BCAS3: variants seen among roughly 807,000 people sequenced by gnomAD.
BCAS3 encodes the protein BCAS4/BCAS3 fusion.
A neutral mutation model predicts 116.1 loss-of-function variants in BCAS3; 53 were observed. The ratio of observed to expected loss-of-function variants is 0.46; its 90% confidence interval spans 0.37 to 0.57. The LOEUF is 0.57. BCAS3 is among the 20% of genes least tolerant of loss of function. The pLI, the probability that BCAS3 is intolerant of heterozygous loss-of-function variation, is 0.00. For synonymous variants in BCAS3, 391 were observed against 408.2 expected, an observed-to-expected ratio of 0.96 and a Z score of 0.51; for missense variants, 917 against 1,165.4, an observed-to-expected ratio of 0.79 and a Z score of 3.10.
chr17:60,902,188 T>C (rs1283507921), intron 10 of BCAS3, among the ~76,000 whole-genome samples: 1 of 152,256 alleles, frequency 6.6e-6, no homozygotes. Flanking sequence ...ATCTTTTGTC[T>C]ACTTTTTATG....
rs796244032 is a variant in BCAS3 at position 61,386,801 on chromosome 17, T to TG, written c.2594-5176_2594-5175insG. On this transcript the variant is annotated intron_variant, in intron 23 of 23. Transcript: ENST00000407086. ...TTTTTTTGTTTTTGTTTTTTGTTTT[T>TG]TTTTTTTTTTTTGAGATGCCAGGCT... 2.8e-3 allele frequency among the ~76,000 whole-genome samples: 421 copies of TG among 149,248 alleles called. 5 individuals carry two copies. Among genetic ancestry groups the TG allele is most frequent in the African/African-American group, 9.9e-3 (405 of 40,870 alleles).
In BCAS3 at chr17:61,385,804, T is replaced by C. The variant is rs2059818268; in HGVS notation, c.2594-6173T>C. ...ATGCATGTCAACAGGGTTGGAAATT[T>C]ATTTTCCATTTTGGAAGAGGGTATT... On this transcript the variant is annotated intron_variant, in intron 23 of 23. Coordinates refer to ENST00000407086, the MANE Select transcript of BCAS3 (RefSeq NM_017679.5). 2.0e-5 allele frequency among the ~76,000 whole-genome samples: 3 copies of C among 152,230 alleles called. 1 individual carries two copies. In the South Asian group the frequency reaches 6.2e-4, roughly 32 times the overall value.
At chr17:60,998,135 C>T (rs1166107727) in intron 15 of BCAS3, among the ~76,000 whole-genome samples, 3 of 152,144 alleles carry the variant, frequency 2.0e-5, no homozygotes, top group Non-Finnish European at 4.4e-5. Flanking sequence ...CTTAGGATAA[C>T]GACCTCCAGC....
Position 61,131,264 on chromosome 17 carries a change from A to G in BCAS3, c.2425+46700A>G, listed in dbSNP as rs538990947. Among the ~76,000 whole-genome samples the G allele has an allele frequency of 6.6e-6, 1 of 152,344 alleles. No homozygotes were observed. Among genetic ancestry groups the G allele is most frequent in the African/African-American group, 2.4e-5 (1 of 41,592 alleles). ...ATAACAAAAATAACACTCGTATCAT[A>G]GACATTAGAGAGTTCTTACTTGGAA... On this transcript the variant is annotated intron_variant, in intron 22 of 23. Coordinates refer to ENST00000407086, the MANE Select transcript of BCAS3 (RefSeq NM_017679.5). The surrounding 1 kb of genome is among the most constrained non-coding windows in gnomAD (Gnocchi z 4.4).
rs534100732 is a variant in BCAS3, at chr17:61,045,883, AT to A, written c.2029+4993del. Among the ~76,000 whole-genome samples, 154 of 44,192 alleles carry A rather than the reference AT, an allele frequency of 3.5e-3. 9 individuals are homozygous for A. The highest frequency in any genetic ancestry group is 0.017 in the East Asian group (30 of 1,734). The allele number at this position is 44,192 out of a possible 152,430, so 29.0% of individuals were successfully genotyped here. ...TATATATAAATATATATAAATATAT[AT>A]TATATATATAATATATATAAATATA... On this transcript the variant is annotated intron_variant, in intron 19 of 23. Transcript: ENST00000407086.
At chr17:60,855,452 ATTT>A (rs565603643) in intron 7 of BCAS3, among the ~76,000 whole-genome samples, 7 of 125,746 alleles carry the variant, frequency 5.6e-5, no homozygotes, top group Middle Eastern at 4.1e-3. Flanking sequence ...CTATTTTTAA[ATTT>A]TTTTTTTTTT....
At chr17:60,872,646 C>T (rs74554320) in intron 8 of BCAS3, among the ~76,000 whole-genome samples, 13,797 of 149,594 alleles carry the variant, frequency 0.092, 2,122 homozygotes, top group African/African-American at 0.32. Flanking sequence ...ACACACACCC[C>T]GATATCTATC....
chr17:60,957,645 C>G (rs1599970595), intron 14 of BCAS3, among the ~76,000 whole-genome samples: 1 of 152,086 alleles, frequency 6.6e-6, no homozygotes, highest in Non-Finnish European at 1.5e-5. Context: ...TTTTGTAATC[C>G]TTAAACCACT....
intron 16 of BCAS3, among the ~76,000 whole-genome samples, chr17:61,022,356 TCTC>T (rs1201142795): frequency 6.6e-6 from 1 of 152,086 alleles, no homozygotes; most frequent in Non-Finnish European, 1.5e-5. Context: ...TTCACACCAT[TCTC>T]CTCCCTCAGC....
intron 3 of BCAS3, among the ~76,000 whole-genome samples, chr17:60,687,655 C>A (rs1457541489): frequency 1.3e-5 from 2 of 151,630 alleles, no homozygotes; most frequent in African/African-American, 4.8e-5. Flanking sequence ...TTAAAGACAT[C>A]AGGTGAAAGG....
intron 6 of BCAS3, among the ~76,000 whole-genome samples, chr17:60,756,504 A>G (rs1390520297): frequency 1.3e-5 from 2 of 152,162 alleles, no homozygotes; most frequent in Non-Finnish European, 2.9e-5. Context: ...TAGCTTCCAC[A>G]TATGAGTGAG....
At position 61,269,086 on chromosome 17, in the gene BCAS3, C is replaced by T. The variant is rs1179237811; in HGVS notation, c.2426-99241C>T. 2.0e-5 allele frequency among the ~76,000 whole-genome samples: 3 copies of T among 151,762 alleles called. No individual in the cohort carries two copies. The East Asian group carries it at 5.8e-4, about 29-fold the overall frequency. ...TAATGCTGCAGTGAACACAGGTGTG[C>T]AAACATCTCTTAGAAATTGTATTTT... On this transcript the variant is annotated intron_variant, in intron 22 of 23. Coordinates refer to ENST00000407086, the MANE Select transcript of BCAS3 (RefSeq NM_017679.5).
intron 22 of BCAS3, among the ~76,000 whole-genome samples, chr17:61,334,664 CAAAA>C (rs35400660): frequency 4.1e-4 from 21 of 50,902 alleles, no homozygotes; most frequent in Non-Finnish European, 6.9e-4. Flanking sequence ...AACTCCATCT[CAAAA>C]AAAAAAAAAA....
chr17:61,070,197 T>A (rs1251245905), intron 19 of BCAS3: 16 of 1,563,906 alleles, frequency 1.0e-5, no homozygotes, highest in Non-Finnish European at 1.4e-5. Flanking sequence ...AGCACCAGAT[T>A]AAACAGGCTG....
intron 20 of BCAS3, among the ~76,000 whole-genome samples, chr17:61,076,718 T>C (rs2072028366): frequency 6.6e-6 from 1 of 152,224 alleles, no homozygotes; most frequent in Non-Finnish European, 1.5e-5. Flanking sequence ...TGAACAGGCA[T>C]CTGTTTACCT....
Position 61,128,817 on chromosome 17 carries a change from A to C in BCAS3, c.2425+44253A>C, listed in dbSNP as rs2076180029. Among the ~76,000 whole-genome samples the C allele has an allele frequency of 6.6e-6, 1 of 152,204 alleles. No individual in the cohort carries two copies. Among genetic ancestry groups the C allele is most frequent in the Non-Finnish European group, 1.5e-5 (1 of 68,038 alleles). ...TGGTCTGTCACAAGGTCAAGTGATG[A>C]TTAGTGATGTAGTCTCTCCTAAACA... On this transcript the variant is annotated intron_variant, in intron 22 of 23. Coordinates refer to ENST00000407086, the MANE Select transcript of BCAS3 (RefSeq NM_017679.5). This position sits in a 1 kb window ranked among gnomAD's most constrained non-coding sequence, Gnocchi z 4.1.
intron 14 of BCAS3, among the ~76,000 whole-genome samples, chr17:60,981,939 T>G (rs1004887266): frequency 6.6e-6 from 1 of 152,226 alleles, no homozygotes; most frequent in Non-Finnish European, 1.5e-5. Flanking sequence ...TTCATAATCT[T>G]CTATAATATT....
chr17:60,948,989 A>C (rs1181040802), intron 14 of BCAS3, among the ~76,000 whole-genome samples: 1 of 150,250 alleles, frequency 6.7e-6, no homozygotes, highest in Non-Finnish European at 1.5e-5. Context: ...CAATTCTCCT[A>C]CCTCAGCATC....
At chr17:61,254,036 G>A (rs2048569692) in intron 22 of BCAS3, among the ~76,000 whole-genome samples, 1 of 152,016 alleles carries the variant, frequency 6.6e-6, no homozygotes, top group African/African-American at 2.4e-5. Context: ...TCTACATCAG[G>A]CCCACTGGGA....
Sources: allele counts gnomAD v4.1 joint callset (sites outside exome capture counted in the v4.1 genomes callset), GRCh38; gene constraint gnomAD v4.1.1; non-coding constraint Gnocchi (gnomAD v3.1); transcripts MANE v1.5; gene names NCBI Gene and HGNC (gene_info 2026-07-23, HGNC 2026-07-21).